The following MTMR3 variants were observed in gnomAD, a reference collection of about 807,000 sequenced individuals.
MTMR3 encodes the protein phosphatidylinositol-3,5-bisphosphate 3-phosphatase MTMR3.
A neutral mutation model predicts 132.4 loss-of-function variants in MTMR3; 32 were observed. The observed-to-expected ratio is 0.24, with a 90% CI of 0.18 to 0.32. The LOEUF is 0.32. Ranked by LOEUF, MTMR3 falls within the 10% of genes least tolerant of loss-of-function variation. MTMR3 has a pLI of 1.00. For synonymous variants in MTMR3, 556 were observed against 550.3 expected, an observed-to-expected ratio of 1.01 and a Z score of -0.14; for missense variants, 1,216 against 1,489.6, an observed-to-expected ratio of 0.82 and a Z score of 3.02.
intron 3 of MTMR3, among the ~76,000 whole-genome samples, chr22:29,974,405 C>T (rs1395797294): frequency 1.3e-5 from 2 of 152,192 alleles, no homozygotes; most frequent in Non-Finnish European, 2.9e-5. Flanking sequence ...GGATTAAATG[C>T]ATTTTTGTGT....
intron 1 of MTMR3, among the ~76,000 whole-genome samples, chr22:29,947,080 A>G (rs1383695018): frequency 1.3e-5 from 2 of 152,208 alleles, no homozygotes; most frequent in Admixed American, 1.3e-4. Context: ...TGTTTCCAGC[A>G]TTTTAACATA....
At chr22:29,895,160 A>G (rs1217378753) in intron 1 of MTMR3, among the ~76,000 whole-genome samples, 1 of 152,200 alleles carries the variant, frequency 6.6e-6, no homozygotes, top group Non-Finnish European at 1.5e-5. Context: ...GTGAGCTGAG[A>G]TCGTGCCACT....
chr22:29,980,497 C>G (rs986529194), intron 5 of MTMR3: 5 of 152,156 alleles, frequency 3.3e-5, no homozygotes, highest in Non-Finnish European at 7.3e-5. Context: ...GGGGAAACAC[C>G]TATAAAATCC....
intron 1 of MTMR3, among the ~76,000 whole-genome samples, chr22:29,889,421 G>T (rs1412668178): frequency 6.6e-6 from 1 of 151,466 alleles, no homozygotes; most frequent in African/African-American, 2.4e-5. Flanking sequence ...TGAGTAGTTG[G>T]GATTACAGGT....
chr22:29,916,741 T>C (rs1477357266), intron 1 of MTMR3, among the ~76,000 whole-genome samples: 1 of 152,232 alleles, frequency 6.6e-6, no homozygotes, highest in East Asian at 1.9e-4. Flanking sequence ...AATTAATACA[T>C]TGCATTCTGC....
chr22:29,950,214 C>G (rs2066047436), intron 1 of MTMR3, among the ~76,000 whole-genome samples: 2 of 152,292 alleles, frequency 1.3e-5, no homozygotes, highest in Non-Finnish European at 1.5e-5. Context: ...TTCTGCGTGG[C>G]TTTAAACTCA....
chr22:29,952,421 TA>T (rs757779809), intron 1 of MTMR3, among the ~76,000 whole-genome samples: 186 of 151,574 alleles, frequency 1.2e-3, no homozygotes, highest in Admixed American at 3.2e-3. Context: ...TTTTTTTTTT[TA>T]AAATCATGTT....
At chr22:29,946,681 G>T (rs1396850542) in intron 1 of MTMR3, among the ~76,000 whole-genome samples, 4 of 151,902 alleles carry the variant, frequency 2.6e-5, no homozygotes, top group African/African-American at 7.2e-5. Flanking sequence ...TATTTTTTTT[G>T]CAGTATCTGT....
chr22:29,948,652 A>G (rs1179614582), intron 1 of MTMR3, among the ~76,000 whole-genome samples: 1 of 152,192 alleles, frequency 6.6e-6, no homozygotes, highest in East Asian at 1.9e-4. Flanking sequence ...AGGGAGAGGG[A>G]TAATATAAAA....
chr22:30,020,032 C>T lies in MTMR3; in HGVS notation c.2373C>T (p.Val791=). ...CCAGGGGAGAGGATTCCCTGGAGGT[C>T]CCTGTGGAGCAGTTTCGAATAGAAG... ...VPPRGEDSLE[V]PVEQFRIEEI... The change falls in exon 17 of 20, where the codon GTC becomes GTT. Residue 791 remains valine, a synonymous_variant. Coordinates refer to ENST00000401950, the MANE Select transcript of MTMR3 (RefSeq NM_021090.4). 1 of 1,614,126 alleles carries T rather than the reference C, an allele frequency of 6.2e-7. No individual in the cohort carries two copies. Among genetic ancestry groups the T allele is most frequent in the Non-Finnish European group, 8.5e-7 (1 of 1,180,012 alleles).
intron 9 of MTMR3, chr22:30,003,519 G>GATGGGGATGGTGGC (rs1335009754): frequency 6.6e-5 from 10 of 152,342 alleles, no homozygotes; most frequent in African/African-American, 2.2e-4. Flanking sequence ...GCAAGTTCTA[G>GATGGGGATGGTGGC]ATGGGGATGG....
Position 30,020,377 on chromosome 22 carries a change from C to G in MTMR3, c.2718C>G (p.Ser906Arg). 1 of 1,614,190 alleles carries G rather than the reference C, an allele frequency of 6.2e-7. No individual in the cohort carries two copies. Among genetic ancestry groups the G allele is most frequent in the Admixed American group, 1.7e-5 (1 of 60,030 alleles). Residue 906 changes from serine to arginine, a missense_variant, in exon 17 of 20, where the codon AGC becomes AGG. By Grantham distance (110) the Ser-to-Arg change is moderately radical. Coordinates refer to ENST00000401950, the MANE Select transcript of MTMR3 (RefSeq NM_021090.4). Reference sequence around the variant, plus strand: ...TGGTGCATAGGACTTCCCTTGGCAGCACTCTCAGCCTGACACGTTCCCCTT... The same window carrying G: ...TGGTGCATAGGACTTCCCTTGGCAGGACTCTCAGCCTGACACGTTCCCCTT... ...GSVVHRTSLG[S>R]TLSLTRSPCA...
intron 19 of MTMR3, chr22:30,024,250 GATCGCACCATTGCACTCCAGCCTGGGCA>G (rs1393719596): frequency 6.6e-6 from 1 of 152,340 alleles, no homozygotes; most frequent in African/African-American, 2.4e-5. Context: ...AGTGAGCCAA[GATCGCACCATTGCACTCCAGCCTGGGCA>G]ATAAGAGCAA....
At position 30,009,133 on chromosome 22, in the gene MTMR3, A is replaced by G; in HGVS notation, c.1121+4A>G. On this transcript the variant is annotated splice_donor_region_variant and intron_variant, in intron 12 of 19. Transcript: ENST00000401950. ...CTCAGATGCCAGATCCGGGAAAGTAAGTCCTTGGCCTTGGCTTTCATTTTG... is the reference window on the plus strand; with the variant it reads ...CTCAGATGCCAGATCCGGGAAAGTAGGTCCTTGGCCTTGGCTTTCATTTTG... 1 of 1,585,228 alleles carries G rather than the reference A, an allele frequency of 6.3e-7. No homozygotes were observed. The highest frequency in any genetic ancestry group is 1.3e-5 in the African/African-American group (1 of 74,358).
At position 30,020,037 on chromosome 22, in the gene MTMR3, T is replaced by A; in HGVS notation, c.2378T>A (p.Val793Glu). 8 of 1,614,162 alleles carry A rather than the reference T, an allele frequency of 5.0e-6. No individual in the cohort carries two copies. The highest frequency in any genetic ancestry group is 6.8e-6 in the Non-Finnish European group (8 of 1,180,024). The change falls in exon 17 of 20, where the codon GTG (valine) becomes GAG (glutamate). Residue 793 changes from valine (V) to glutamate (E), a missense_variant. Transcript: ENST00000401950. The stretch of plus-strand genomic sequence containing the variant: ...GGAGAGGATTCCCTGGAGGTCCCTG[T>A]GGAGCAGTTTCGAATAGAAGAGATT... ...PRGEDSLEVP[V>E]EQFRIEEIAE...
At chr22:29,952,397 GGT>G (rs200743969) in intron 1 of MTMR3, among the ~76,000 whole-genome samples, 96 of 129,496 alleles carry the variant, frequency 7.4e-4, no homozygotes, top group Non-Finnish European at 1.2e-3. Context: ...CATAGCTTCT[GGT>G]GTGTGTGTGT....
intron 12 of MTMR3, chr22:30,012,102 G>T: frequency 3.0e-6 from 1 of 331,286 alleles, no homozygotes; most frequent in Non-Finnish European, 5.5e-6. Context: ...CAAATATTTT[G>T]CCCGGGGAAT....
intron 2 of MTMR3, among the ~76,000 whole-genome samples, chr22:29,969,978 G>A (rs2066501169): frequency 6.6e-6 from 1 of 152,148 alleles, no homozygotes; most frequent in African/African-American, 2.4e-5. Context: ...TTGAAGCCCA[G>A]ACTCCCTGAA....
chr22:29,971,402 C>CTG (rs150241246), intron 3 of MTMR3, among the ~76,000 whole-genome samples: 24 of 151,928 alleles, frequency 1.6e-4, no homozygotes, highest in African/African-American at 5.1e-4. Context: ...GTAGTGAAAA[C>CTG]TGTGTGTGTG....
Sources: allele counts gnomAD v4.1 joint callset (sites outside exome capture counted in the v4.1 genomes callset), GRCh38; gene constraint gnomAD v4.1.1; transcripts MANE v1.5; gene names NCBI Gene and HGNC (gene_info 2026-07-23, HGNC 2026-07-21).